TENM2: variants seen among roughly 807,000 people sequenced by gnomAD.
TENM2 encodes teneurin transmembrane protein 2.
TENM2 carries 52 observed loss-of-function variants against 245.2 expected under a neutral mutation model. The ratio of observed to expected loss-of-function variants is 0.21; its 90% CI spans 0.17 to 0.27. The LOEUF is 0.27. Among genes scored for constraint, TENM2 ranks in the 10% least tolerant of loss-of-function variants. The probability of loss-of-function intolerance (pLI) is 1.00; values close to 1 mark genes in which losing one functional copy is unlikely to be tolerated. For synonymous variants in TENM2, 1,363 were observed against 1,438.9 expected (o/e 0.95, Z 1.19); for missense variants, 3,046 against 3,666.8 (o/e 0.83, Z 4.37).
intron 2 of TENM2, among the ~76,000 whole-genome samples, chr5:167,726,199 T>C (rs1759993801): frequency 6.6e-6 from 1 of 152,048 alleles, no homozygotes; most frequent in South Asian, 2.1e-4. Flanking sequence ...CAAATGCCTC[T>C]GAAAAGGGAG....
intron 2 of TENM2, among the ~76,000 whole-genome samples, chr5:167,438,698 G>A (rs547255402): frequency 2.0e-5 from 3 of 150,364 alleles, no homozygotes; most frequent in Admixed American, 6.6e-5. Flanking sequence ...CATCTGGCCT[G>A]AACAAACATT....
At chr5:167,958,039 C>A (rs1780697366) in intron 4 of TENM2, among the ~76,000 whole-genome samples, 1 of 152,112 alleles carries the variant, frequency 6.6e-6, no homozygotes. Context: ...TCTTAATTTT[C>A]TGATTGTTGA....
At chr5:167,955,725 A>T (rs1030153848) in intron 4 of TENM2, among the ~76,000 whole-genome samples, 3 of 152,312 alleles carry the variant, frequency 2.0e-5, no homozygotes, top group Non-Finnish European at 2.9e-5. Context: ...TAAATAGGGA[A>T]TCCTTTCCCC....
At chr5:167,645,249 C>T (rs575862381) in intron 2 of TENM2, among the ~76,000 whole-genome samples, 1 of 152,254 alleles carries the variant, frequency 6.6e-6, no homozygotes, top group East Asian at 1.9e-4. Context: ...TGTCTTTTCT[C>T]GAGCACAATC....
chr5:167,501,350 G>A (rs886636657), intron 2 of TENM2, among the ~76,000 whole-genome samples: 1 of 152,104 alleles, frequency 6.6e-6, no homozygotes, highest in African/African-American at 2.4e-5. Context: ...TTGAAAACAG[G>A]AAGCATGTCC....
intron 2 of TENM2, among the ~76,000 whole-genome samples, chr5:167,510,326 T>C (rs1228719252): frequency 6.6e-6 from 1 of 152,210 alleles, no homozygotes; most frequent in Non-Finnish European, 1.5e-5. Context: ...AGATGAATTT[T>C]CCTGAAATAA....
At chr5:167,211,248 C>T in the TENM2 span, among the ~76,000 whole-genome samples, 1 of 152,182 alleles carries the variant, frequency 6.6e-6, no homozygotes, top group Non-Finnish European at 1.5e-5. Flanking sequence ...TGCCGTCAAC[C>T]TGCTAAGGTT....
the TENM2 span, among the ~76,000 whole-genome samples, chr5:166,990,583 G>T: frequency 2.0e-5 from 3 of 151,982 alleles, no homozygotes; most frequent in Non-Finnish European, 2.9e-5. Flanking sequence ...GATAATGATG[G>T]TTCTCCAGTT....
intron 5 of TENM2, among the ~76,000 whole-genome samples, chr5:168,016,532 A>G (rs1164138481): frequency 2.0e-5 from 3 of 152,266 alleles, no homozygotes; most frequent in Non-Finnish European, 4.4e-5. Flanking sequence ...GTGAAGAGCA[A>G]GAGTGGCTTC....
At chr5:167,608,563 C>T (rs982896707) in intron 2 of TENM2, among the ~76,000 whole-genome samples, 4 of 152,216 alleles carry the variant, frequency 2.6e-5, no homozygotes, top group Admixed American at 6.5e-5. Flanking sequence ...GGGGCACTTT[C>T]GGCAGCGCCG....
chr5:168,160,188 C>A (rs962913431), intron 12 of TENM2, among the ~76,000 whole-genome samples: 3 of 152,228 alleles, frequency 2.0e-5, no homozygotes, highest in Admixed American at 6.5e-5. Context: ...TGGAGAAATT[C>A]TCTTTTCCTT....
At chr5:167,556,356 C>T (rs545990892) in intron 2 of TENM2, among the ~76,000 whole-genome samples, 1 of 151,704 alleles carries the variant, frequency 6.6e-6, no homozygotes, top group East Asian at 1.9e-4. Context: ...ATAATGGCAT[C>T]TTTCTGAATT....
chr5:167,586,554 T>C (rs1234970601), intron 2 of TENM2, among the ~76,000 whole-genome samples: 1 of 152,254 alleles, frequency 6.6e-6, no homozygotes, highest in Non-Finnish European at 1.5e-5. Flanking sequence ...TCACTCTCCC[T>C]TTCCTTCTCC....
chr5:167,137,738 T>C, the TENM2 span, among the ~76,000 whole-genome samples: 1 of 152,250 alleles, frequency 6.6e-6, no homozygotes, highest in Admixed American at 6.5e-5. Flanking sequence ...TGTTTCTTAA[T>C]GTGAGTTATA....
chr5:167,520,261 C>A (rs1310142202), intron 2 of TENM2, among the ~76,000 whole-genome samples: 1 of 152,074 alleles, frequency 6.6e-6, no homozygotes, highest in Non-Finnish European at 1.5e-5. Flanking sequence ...CATCAAGATG[C>A]CTAAAATGTA....
At chr5:167,819,536 C>A (rs1214641048) in intron 2 of TENM2, among the ~76,000 whole-genome samples, 1 of 152,152 alleles carries the variant, frequency 6.6e-6, no homozygotes, top group Non-Finnish European at 1.5e-5. Flanking sequence ...GGGGCTTTCA[C>A]AAAGTGAAGT....
intron 1 of TENM2, among the ~76,000 whole-genome samples, chr5:167,288,513 C>T (rs1283354814): frequency 6.7e-6 from 1 of 150,078 alleles, no homozygotes; most frequent in Non-Finnish European, 1.5e-5. Context: ...GAGCGGAGAT[C>T]GCGCCACTGC....
At chr5:167,450,972 CTT>C (rs1242587912) in intron 2 of TENM2, among the ~76,000 whole-genome samples, 2 of 152,100 alleles carry the variant, frequency 1.3e-5, no homozygotes, top group African/African-American at 2.4e-5. Context: ...TGTACAGTCT[CTT>C]ATTTTTTTAT....
At chr5:167,635,330 CCA>C (rs1345209597) in intron 2 of TENM2, among the ~76,000 whole-genome samples, 1 of 152,074 alleles carries the variant, frequency 6.6e-6, no homozygotes, top group Admixed American at 6.6e-5. Context: ...GAGTAGCAAA[CCA>C]CAGTTTGTTT....
Sources: gnomAD v4.1 joint callset for allele counts (sites outside exome capture counted in the v4.1 genomes callset) on GRCh38, gnomAD v4.1.1 for gene constraint, MANE v1.5 for transcripts, NCBI Gene and HGNC (gene_info 2026-07-23, HGNC 2026-07-21) for gene names.